KCNQ3: variants seen among roughly 807,000 people sequenced by gnomAD.
The protein encoded by KCNQ3 is potassium voltage-gated channel subfamily Q member 3.
KCNQ3 carries 30 observed loss-of-function variants against 92.5 expected under a neutral mutation model. The observed-to-expected ratio is 0.32, with a 90% CI of 0.24 to 0.44. KCNQ3 has a LOEUF of 0.44. Ranked by LOEUF, KCNQ3 falls within the 20% of genes least tolerant of loss-of-function variation. The pLI is 1.00. For missense variants in KCNQ3, 913 were observed against 1,140.3 expected (o/e 0.80, Z 2.87); for synonymous variants, 450 against 468.8 (o/e 0.96, Z 0.52).
At chr8:132,386,342 A>C (rs990767496) in intron 1 of KCNQ3, among the ~76,000 whole-genome samples, 1 of 152,296 alleles carries the variant, frequency 6.6e-6, no homozygotes, top group Non-Finnish European at 1.5e-5. Context: ...ATTAAGAGTA[A>C]AATTGAAATA....
At chr8:132,346,964 G>A (rs1006074815) in intron 1 of KCNQ3, among the ~76,000 whole-genome samples, 1 of 152,150 alleles carries the variant, frequency 6.6e-6, no homozygotes, top group African/African-American at 2.4e-5. Flanking sequence ...GCAGTCCAGG[G>A]CCCTGATGTT....
intron 1 of KCNQ3, among the ~76,000 whole-genome samples, chr8:132,252,296 C>T (rs759025446): frequency 3.0e-5 from 4 of 133,720 alleles, no homozygotes; most frequent in Non-Finnish European, 5.1e-5. Flanking sequence ...CAGATGTGTC[C>T]GGAGTTTCTT....
chr8:132,145,259 T>C (rs980348586), intron 9 of KCNQ3, among the ~76,000 whole-genome samples: 4 of 152,208 alleles, frequency 2.6e-5, no homozygotes, highest in Non-Finnish European at 5.9e-5. Flanking sequence ...TCTAGCACAG[T>C]ATCTGGAATG....
At chr8:132,351,760 C>G (rs1818874089) in intron 1 of KCNQ3, among the ~76,000 whole-genome samples, 1 of 152,202 alleles carries the variant, frequency 6.6e-6, no homozygotes. Flanking sequence ...GAACCAGAAG[C>G]AGCCTCCTTG....
At chr8:132,436,371 A>T (rs995573175) in intron 1 of KCNQ3, among the ~76,000 whole-genome samples, 1 of 152,242 alleles carries the variant, frequency 6.6e-6, no homozygotes, top group African/African-American at 2.4e-5. Context: ...AACATTTTCA[A>T]TATTTCTTAA....
rs1339793364 is a variant in KCNQ3, at chr8:132,183,608, G to T, written c.604+633C>A. On this transcript the variant is annotated intron_variant, in intron 3 of 14. Coordinates refer to ENST00000388996, the MANE Select transcript of KCNQ3 (RefSeq NM_004519.4). ...TTAGTCCACACTGGACCAATAGGTT[G>T]GTGAGAGTTTCCACCTCCTCTACTA... 2.0e-5 allele frequency among the ~76,000 whole-genome samples: 3 copies of T among 152,150 alleles called. No individual in the cohort carries two copies. In the East Asian group the frequency reaches 5.8e-4, roughly 29 times the overall value.
Position 132,134,494 on chromosome 8 carries a change from T to C in KCNQ3, c.1701-106A>G, listed in dbSNP as rs1274528984. ...GAATGAGATAAGGGTTTGGAATATATAAGAGGAGAGGAGAGGAGAGGAGAA... is the reference window on the plus strand; with the variant it reads ...GAATGAGATAAGGGTTTGGAATATACAAGAGGAGAGGAGAGGAGAGGAGAA... On this transcript the variant is annotated intron_variant, in intron 12 of 14. Transcript: ENST00000388996. 4.8e-6 allele frequency: 4 copies of C among 831,118 alleles called. No individual in the cohort carries two copies. The South Asian group carries it at 5.7e-5, about 12-fold the overall frequency. 51.5% of individuals were successfully genotyped at this position (831,118 alleles called of 1,614,324 possible).
chr8:132,356,417 A>G (rs1358239903), intron 1 of KCNQ3, among the ~76,000 whole-genome samples: 1 of 152,206 alleles, frequency 6.6e-6, no homozygotes, highest in Admixed American at 6.5e-5. Context: ...CTACACATTC[A>G]AGTATCTTCC....
In KCNQ3 at chr8:132,293,176, C is replaced by CATATA. The variant is rs577637047; in HGVS notation, c.387-107000_387-106996dup. 3.9e-3 allele frequency among the ~76,000 whole-genome samples: 587 copies of CATATA among 152,278 alleles called. 5 individuals carry two copies. The highest frequency in any genetic ancestry group is 0.013 in the African/African-American group (544 of 41,548). ...CTTCATCTATATCCTTTGTAATATC[C>CATATA]ATATAATAAACTGTAAATGTGTTTC... On this transcript the variant is annotated intron_variant, in intron 1 of 14. Coordinates refer to ENST00000388996, the MANE Select transcript of KCNQ3 (RefSeq NM_004519.4).
intron 9 of KCNQ3, 45 bp downstream of exon 9, chr8:132,163,423 T>C (rs987982130): frequency 1.3e-6 from 2 of 1,560,460 alleles, no homozygotes; most frequent in Non-Finnish European, 8.8e-7. Context: ...ATGCTCTGTC[T>C]TGACACAGAG....
intron 4 of KCNQ3, among the ~76,000 whole-genome samples, chr8:132,178,574 A>G (rs1826646004): frequency 6.6e-6 from 1 of 152,170 alleles, no homozygotes; most frequent in Non-Finnish European, 1.5e-5. Context: ...ATTAAAATAG[A>G]ATGACATCTT....
At chr8:132,315,261 AAAG>A (rs1817708286) in intron 1 of KCNQ3, among the ~76,000 whole-genome samples, 1 of 152,148 alleles carries the variant, frequency 6.6e-6, no homozygotes, top group East Asian at 1.9e-4. Flanking sequence ...TAGGTGGTAG[AAAG>A]AAGTAGACTA....
At chr8:132,154,203 T>TG in intron 9 of KCNQ3, among the ~76,000 whole-genome samples, 1 of 134,974 alleles carries the variant, frequency 7.4e-6, no homozygotes, top group Non-Finnish European at 1.5e-5. Context: ...GTTTTTTTTT[T>TG]TTTTTTTTTT....
At chr8:132,447,358 A>G (rs1821710508) in intron 1 of KCNQ3, 1 of 940,414 alleles carries the variant, frequency 1.1e-6, no homozygotes, top group Non-Finnish European at 1.7e-6. Context: ...GCAGACAGTA[A>G]AGGTTTCTAG....
intron 1 of KCNQ3, among the ~76,000 whole-genome samples, chr8:132,322,922 C>T (rs886122244): frequency 2.0e-5 from 3 of 152,148 alleles, no homozygotes; most frequent in Admixed American, 6.5e-5. Flanking sequence ...AGAAAAGTGC[C>T]AAGTGCACCA....
chr8:132,370,706 G>A (rs553013620), intron 1 of KCNQ3, among the ~76,000 whole-genome samples: 2 of 152,294 alleles, frequency 1.3e-5, no homozygotes, highest in East Asian at 1.9e-4. Flanking sequence ...AGCCCATAGC[G>A]AGGAATGCCC....
chr8:132,311,099 G>A (rs1817580256), intron 1 of KCNQ3, among the ~76,000 whole-genome samples: 1 of 152,106 alleles, frequency 6.6e-6, no homozygotes, highest in South Asian at 2.1e-4. Flanking sequence ...GCCACACCCA[G>A]CTAATTTTCT....
Position 132,479,628 on chromosome 8 carries a change from GACACACAC to G in KCNQ3, c.386+511_386+518del, listed in dbSNP as rs71306386. Among the ~76,000 whole-genome samples the G allele has an allele frequency of 9.3e-4, 134 of 144,160 alleles. 1 individual carries two copies. The South Asian group carries it at 0.019, about 20-fold the overall frequency. The allele number at this position is 144,160 out of a possible 152,430, so 94.6% of individuals were successfully genotyped here. A position where few individuals can be genotyped will look rare whatever the true frequency, so the allele number is the denominator to read the frequency against. On this transcript the variant is annotated intron_variant, in intron 1 of 14. Transcript: ENST00000388996. Reference sequence around the variant, plus strand: ...GATCAGAAGGGTGGCACAAGCAAGCGACACACACACACACACACACACACACACGCTCC... The same window carrying G: ...GATCAGAAGGGTGGCACAAGCAAGCGACACACACACACACACACACGCTCC...
At chr8:132,187,738 ATGGTGG>A (rs1367997864) in intron 1 of KCNQ3, among the ~76,000 whole-genome samples, 1 of 125,934 alleles carries the variant, frequency 7.9e-6, no homozygotes, top group Non-Finnish European at 1.7e-5. Context: ...GATAGTGATG[ATGGTGG>A]TGGTGGTGGT....
Sources: allele counts gnomAD v4.1 joint callset (sites outside exome capture counted in the v4.1 genomes callset), GRCh38; gene constraint gnomAD v4.1.1; transcripts MANE v1.5; gene names NCBI Gene and HGNC (gene_info 2026-07-23, HGNC 2026-07-21).